The following TRMT6 variants were observed in gnomAD, a reference collection of about 807,000 sequenced individuals.
TRMT6 encodes the protein tRNA methyltransferase 6 non-catalytic subunit, also known as tRNA (adenine(58)-N(1))-methyltransferase non-catalytic subunit TRM6.
In TRMT6, 34 loss-of-function variants were observed where a neutral mutation model predicts 59.0. The ratio of observed to expected loss-of-function variants is 0.58; its 90% confidence interval spans 0.44 to 0.77. TRMT6 has a LOEUF of 0.77. Ranked by LOEUF, TRMT6 falls within the 30% of genes least tolerant of loss-of-function variation. The pLI, the probability that TRMT6 is intolerant of heterozygous loss-of-function variation, is 0.00. For synonymous variants in TRMT6, 217 were observed against 210.5 expected, an observed-to-expected ratio of 1.03 and a Z score of -0.27; for missense variants, 575 against 604.5, an observed-to-expected ratio of 0.95 and a Z score of 0.51.
rs1218205129 is a variant in TRMT6 at position 5,937,524 on chromosome 20, T to C, written c.*1011A>G. The C allele has an allele frequency of 6.6e-6, 1 of 152,178 alleles. No homozygotes were observed. The highest frequency in any genetic ancestry group is 1.5e-5 in the Non-Finnish European group (1 of 68,030). 9.4% of individuals were successfully genotyped at this position (152,178 alleles called of 1,614,324 possible). A position where few individuals can be genotyped will look rare whatever the true frequency, so the allele number is the denominator to read the frequency against. On this transcript the variant is annotated 3_prime_UTR_variant, in exon 11 of 11. Transcript: ENST00000203001. ...TTTCAGAGCTTAGAAAGGGTAACCA[T>C]CTAATCATGACAGAGTTCTTCAGCA...
At chr20:5,939,203 C>T (rs1383522255) in intron 10 of TRMT6, among the ~76,000 whole-genome samples, 1 of 152,122 alleles carries the variant, frequency 6.6e-6, no homozygotes, top group Admixed American at 6.5e-5. Context: ...ATAAAACTGG[C>T]CGGGAATGGT....
In TRMT6 at chr20:5,938,551, G is replaced by A. The variant is rs1317648654; in HGVS notation, c.1478C>T (p.Pro493Leu). The A allele has an allele frequency of 3.7e-6, 6 of 1,614,074 alleles. No homozygotes were observed. Among genetic ancestry groups the A allele is most frequent in the Non-Finnish European group, 5.1e-6 (6 of 1,179,970 alleles). Reference sequence around the variant, plus strand: ...TCAAAAGGGTTAAGAGTCAGACTCTGGGCATTTTCGTTTTTTAGCTGCAGG... The same window carrying A: ...TCAAAAGGGTTAAGAGTCAGACTCTAGGCATTTTCGTTTTTTAGCTGCAGG... ...EEPAAKKRKC[P>L]ESDS The change falls in exon 11 of 11, where the codon CCA becomes CTA. Residue 493 changes from proline (P) to leucine (L), a missense_variant. Pro to Leu is a moderately conservative substitution (Grantham distance 98). Coordinates refer to ENST00000203001, the MANE Select transcript of TRMT6 (RefSeq NM_015939.5).
intron 8 of TRMT6, 32 bp from the exon 9 acceptor site, chr20:5,941,377 C>T (rs779753512): frequency 1.3e-6 from 2 of 1,514,508 alleles, no homozygotes; most frequent in Non-Finnish European, 9.2e-7. Context: ...AATTATTTCT[C>T]TACACCCTCA....
At chr20:5,941,388 A>T (rs1410499581) in intron 8 of TRMT6, 43 bp from the exon 9 acceptor site, 1 of 1,413,718 alleles carries the variant, frequency 7.1e-7, no homozygotes, top group African/African-American at 1.4e-5. Context: ...TACACCCTCA[A>T]AGTGGAGCAC....
At chr20:5,941,572 G>T (rs41301756) in intron 8 of TRMT6, 19,777 of 555,586 alleles carry the variant, frequency 0.036, 482 homozygotes, top group Middle Eastern at 0.068. Context: ...ACTCTAAGTC[G>T]CATTTAATGA....
intron 10 of TRMT6, among the ~76,000 whole-genome samples, chr20:5,940,650 A>G (rs1374438721): frequency 1.3e-5 from 2 of 152,006 alleles, no homozygotes; most frequent in Non-Finnish European, 2.9e-5. Flanking sequence ...AGAGGGTCTT[A>G]CTCTGTCACC....
At chr20:5,941,169 A>G in intron 9 of TRMT6, 30 bp from the exon 10 acceptor site, 1 of 1,610,570 alleles carries the variant, frequency 6.2e-7, no homozygotes, top group Non-Finnish European at 8.5e-7. Flanking sequence ...TCTGTTAAGA[A>G]CTACTTCCTG....
chr20:5,946,662 A>G, intron 1 of TRMT6, 129 bp from the exon 2 acceptor site: 2 of 832,998 alleles, frequency 2.4e-6, no homozygotes, highest in Non-Finnish European at 3.7e-6. Context: ...CTGAACATAA[A>G]GCAACAAAGG....
At chr20:5,941,162 G>T (rs768596678) in intron 9 of TRMT6, 23 bp from the exon 10 acceptor site, 1 of 1,611,502 alleles carries the variant, frequency 6.2e-7, no homozygotes, top group Non-Finnish European at 8.5e-7. Flanking sequence ...ACAGAATTCT[G>T]TTAAGAACTA....
chr20:5,941,639 G>A (rs1163356156), intron 8 of TRMT6: 1 of 545,716 alleles, frequency 1.8e-6, no homozygotes, highest in Admixed American at 3.3e-5. Context: ...TGCATAAGCT[G>A]CTTTGTGGAT....
chr20:5,944,030 A>G lies in TRMT6; in HGVS notation c.460T>C (p.Tyr154His). ...TTCACAACAGTAATGATGGCTTCAT[A>G]TCTGGGGGAAGAAAAAACAGAACGC... The part of the protein sequence containing the change: ...DKYIKKKKKK[Y>H]EAIITVVKPS... The change falls in exon 5 of 11, where the codon TAT becomes CAT. Residue 154 changes from tyrosine (Y) to histidine (H), a missense_variant and splice_region_variant. Physicochemically the swap from Tyr to His is moderately conservative, Grantham distance 83. Coordinates refer to ENST00000203001, the MANE Select transcript of TRMT6 (RefSeq NM_015939.5). 2 of 1,578,892 alleles carry G rather than the reference A, an allele frequency of 1.3e-6. No individual in the cohort carries two copies. Among genetic ancestry groups the G allele is most frequent in the Admixed American group, 1.8e-5 (1 of 56,134 alleles).
chr20:5,949,773 G>A (rs1251840609), intron 1 of TRMT6, among the ~76,000 whole-genome samples: 1 of 152,084 alleles, frequency 6.6e-6, no homozygotes, highest in Non-Finnish European at 1.5e-5. Flanking sequence ...GGGGGATTAG[G>A]GAAGAAGGAG....
intron 8 of TRMT6, 55 bp from the exon 9 acceptor site, chr20:5,941,400 G>T: frequency 7.7e-7 from 1 of 1,307,156 alleles, no homozygotes. Context: ...GTGGAGCACA[G>T]GTTTTAAAAT....
intron 1 of TRMT6, among the ~76,000 whole-genome samples, chr20:5,947,879 C>T (rs898727471): frequency 5.3e-5 from 8 of 151,992 alleles, no homozygotes; most frequent in South Asian, 2.1e-4. Context: ...GGAAAAACTC[C>T]GTCTCTACAA....
intron 1 of TRMT6, 39 bp from the exon 2 acceptor site, chr20:5,946,572 C>G (rs236181): frequency 0.14 from 224,908 of 1,597,952 alleles, 21,986 homozygotes; most frequent in African/African-American, 0.47. Flanking sequence ...AATATCTTTT[C>G]TATCCAGTAC....
At position 5,938,338 on chromosome 20, in the gene TRMT6, C is replaced by G; in HGVS notation, c.*197G>C. On this transcript the variant is annotated 3_prime_UTR_variant, in exon 11 of 11. Transcript: ENST00000203001. ...ATGCAGTTGGTCATACTACATACCCCATGGTTGCAGTTTTGACAGACCAAA... is the reference window on the plus strand; with the variant it reads ...ATGCAGTTGGTCATACTACATACCCGATGGTTGCAGTTTTGACAGACCAAA... 1.8e-6 allele frequency: 1 copy of G among 551,754 alleles called. No individual in the cohort carries two copies. Among genetic ancestry groups the G allele is most frequent in the African/African-American group, 1.9e-5 (1 of 53,688 alleles). The allele number at this position is 551,754 out of a possible 1,614,324, so 34.2% of individuals were successfully genotyped here. A position where few individuals can be genotyped will look rare whatever the true frequency, so the allele number is the denominator to read the frequency against.
Position 5,938,698 on chromosome 20 carries a change from A to G in TRMT6, c.1331T>C (p.Leu444Pro). Residue 444 changes from leucine (L) to proline (P), a missense_variant, in exon 11 of 11, where the codon CTG becomes CCG. Coordinates refer to ENST00000203001, the MANE Select transcript of TRMT6 (RefSeq NM_015939.5). ...QVLPDRSHPK[L>P]LMSGGGGYLL... ...ATAACCCCCACCTCCACTCATCAGC[A>G]GTTTAGGATGACTTCGATCTGGCAA... The G allele has an allele frequency of 6.2e-7, 1 of 1,614,220 alleles. No individual in the cohort carries two copies. The highest frequency in any genetic ancestry group is 8.5e-7 in the Non-Finnish European group (1 of 1,180,034).
chr20:5,942,490 C>G lies in TRMT6; in HGVS notation c.964G>C (p.Glu322Gln). The change falls in exon 7 of 11, where the codon GAA becomes CAA. Residue 322 changes from glutamate (E) to glutamine (Q), a missense_variant. By Grantham distance (29) the Glu-to-Gln change is conservative. Coordinates refer to ENST00000203001, the MANE Select transcript of TRMT6 (RefSeq NM_015939.5). ...SNHPEDQETM[E>Q]TISQDPEHKG... ...TGTTCTGGATCTTGAGAAATTGTTT[C>G]CATTGTTTCCTGGTCTTCTGGGTGG... The G allele has an allele frequency of 6.2e-7, 1 of 1,613,954 alleles. No homozygotes were observed. The highest frequency in any genetic ancestry group is 1.1e-5 in the South Asian group (1 of 91,058).
At chr20:5,940,157 A>T (rs1169661644) in intron 10 of TRMT6, among the ~76,000 whole-genome samples, 1 of 152,050 alleles carries the variant, frequency 6.6e-6, no homozygotes, top group African/African-American at 2.4e-5. Flanking sequence ...TCTTCCTACC[A>T]TCCTCCTTTC....
Sources: allele counts gnomAD v4.1 joint callset (sites outside exome capture counted in the v4.1 genomes callset), GRCh38; gene constraint gnomAD v4.1.1; transcripts MANE v1.5; gene names NCBI Gene and HGNC (gene_info 2026-07-23, HGNC 2026-07-21).